Variants in PBRM1 observed in about 807,000 individuals in gnomAD.
PBRM1 encodes protein polybromo-1.
Under a neutral mutation model 194.5 loss-of-function variants are expected in PBRM1, and 27 were observed. The observed-to-expected ratio is 0.14, with a 90% CI of 0.10 to 0.19. The LOEUF (loss-of-function observed/expected upper bound fraction) is 0.19. Ranked by LOEUF, PBRM1 falls within the 10% of genes least tolerant of loss-of-function variation. The pLI is 1.00. For synonymous variants in PBRM1, 655 were observed against 693.2 expected (o/e 0.94, Z 0.87); for missense variants, 1,466 against 2,077.2 (o/e 0.71, Z 5.72).
chr3:52,570,735 C>A (rs1407438457), intron 22 of PBRM1, among the ~76,000 whole-genome samples: 1 of 152,194 alleles, frequency 6.6e-6, no homozygotes, highest in Non-Finnish European at 1.5e-5. Context: ...TTGGGGGGAA[C>A]TGGCATCTTT....
intron 11 of PBRM1, among the ~76,000 whole-genome samples, chr3:52,630,655 G>C (rs1285532464): frequency 6.6e-6 from 1 of 152,178 alleles, no homozygotes; most frequent in East Asian, 1.9e-4. Flanking sequence ...TCCGCGGAAG[G>C]CAGCAACATT....
chr3:52,650,665 G>A (rs533957581), intron 6 of PBRM1, among the ~76,000 whole-genome samples: 3 of 152,204 alleles, frequency 2.0e-5, no homozygotes, highest in Admixed American at 1.3e-4. Flanking sequence ...ACCTCATGCT[G>A]TAGGTTCTAT....
chr3:52,606,469 C>T (rs1250299417), intron 16 of PBRM1, among the ~76,000 whole-genome samples: 1 of 151,748 alleles, frequency 6.6e-6, no homozygotes, highest in Non-Finnish European at 1.5e-5. Flanking sequence ...TTGTAAATAC[C>T]TTTCATGGTA....
At chr3:52,556,805 C>T (rs2082311810) in intron 26 of PBRM1, among the ~76,000 whole-genome samples, 1 of 152,130 alleles carries the variant, frequency 6.6e-6, no homozygotes, top group African/African-American at 2.4e-5. Flanking sequence ...ACTCCCAGGG[C>T]CCAGAAGTCT....
chr3:52,632,072 T>C (rs1377779454), intron 11 of PBRM1, among the ~76,000 whole-genome samples: 1 of 152,238 alleles, frequency 6.6e-6, no homozygotes, highest in Non-Finnish European at 1.5e-5. Flanking sequence ...TTAGCTATTG[T>C]GAATGCTGCT....
upstream of PBRM1, chr3:52,681,139 G>A (rs2097197645): frequency 6.6e-6 from 1 of 151,150 alleles, no homozygotes; most frequent in Non-Finnish European, 1.5e-5. Context: ...TGGAAACACT[G>A]AATTTCAGGA....
chr3:52,653,389 A>G (rs1193778418), intron 5 of PBRM1, among the ~76,000 whole-genome samples: 1 of 152,038 alleles, frequency 6.6e-6, no homozygotes, highest in Non-Finnish European at 1.5e-5. Context: ...CAGGAGTTCG[A>G]GACTAGCCTG....
intron 7 of PBRM1, 126 bp downstream of exon 8, chr3:52,648,218 C>T (rs891106484): frequency 3.3e-6 from 2 of 607,844 alleles, no homozygotes; most frequent in Middle Eastern, 2.9e-4. Flanking sequence ...AAATTAAACA[C>T]TTTTAATGGG....
At chr3:52,568,133 C>T (rs2153571169) in intron 22 of PBRM1, among the ~76,000 whole-genome samples, 1 of 152,076 alleles carries the variant, frequency 6.6e-6, no homozygotes, top group Non-Finnish European at 1.5e-5. Flanking sequence ...TGCCTACCAT[C>T]ATGTCCAGCT....
intron 6 of PBRM1, among the ~76,000 whole-genome samples, chr3:52,651,508 T>A (rs1385854234): frequency 6.6e-6 from 1 of 152,232 alleles, no homozygotes; most frequent in Non-Finnish European, 1.5e-5. Flanking sequence ...AATAAATCTT[T>A]TGTCACAAAT....
chr3:52,599,018 CAAAAAAAA>C (rs59170143), intron 17 of PBRM1, among the ~76,000 whole-genome samples: 1 of 114,384 alleles, frequency 8.7e-6, no homozygotes, highest in African/African-American at 3.7e-5. Flanking sequence ...CCAGATATCT[CAAAAAAAA>C]AAAAAAAAAA....
chr3:52,640,652 T>C (rs1157195815), intron 10 of PBRM1, among the ~76,000 whole-genome samples: 2 of 151,618 alleles, frequency 1.3e-5, no homozygotes, highest in Admixed American at 6.6e-5. Flanking sequence ...CCTCTTTTTC[T>C]TCCCCCCAAG....
At chr3:52,636,983 GGTTA>G (rs1019130571) in intron 10 of PBRM1, among the ~76,000 whole-genome samples, 2 of 152,100 alleles carry the variant, frequency 1.3e-5, no homozygotes, top group African/African-American at 4.8e-5. Context: ...GGGCATATGA[GGTTA>G]ATTACTTGCA....
chr3:52,654,637 G>A (rs2096572921), intron 5 of PBRM1, among the ~76,000 whole-genome samples: 2 of 152,046 alleles, frequency 1.3e-5, no homozygotes, highest in African/African-American at 4.8e-5. Flanking sequence ...GGGGAATGGG[G>A]GGAACTAATT....
chr3:52,578,317 A>C (rs1379729540), intron 21 of PBRM1, among the ~76,000 whole-genome samples: 1 of 152,192 alleles, frequency 6.6e-6, no homozygotes, highest in Non-Finnish European at 1.5e-5. Flanking sequence ...CCCCAGGAAA[A>C]AGAATATTTG....
chr3:52,668,525 A>G (rs963866411), exon 3 of PBRM1: 2 of 1,605,098 alleles, frequency 1.2e-6, no homozygotes, highest in Admixed American at 3.4e-5. Flanking sequence ...CATTGTTAAA[A>G]AGAAGCTGGA....
At position 52,618,931 on chromosome 3, in the gene PBRM1, C is replaced by T. The variant is rs182106925; in HGVS notation, c.1542-1393G>A. On this transcript the variant is annotated intron_variant, in intron 13 of 29. Transcript: ENST00000296302. ...CACGCTTGGCTAATTTTGTATTTTT[C>T]GTAGACAGGGTTTCTCCATGTTGGT... 5.2e-3 allele frequency among the ~76,000 whole-genome samples: 792 copies of T among 152,218 alleles called. 6 individuals are homozygous for T. The highest frequency in any genetic ancestry group is 7.9e-3 in the Non-Finnish European group (536 of 68,006).
chr3:52,621,068 A>G (rs183658325), intron 13 of PBRM1, among the ~76,000 whole-genome samples: 1 of 152,290 alleles, frequency 6.6e-6, no homozygotes, highest in Admixed American at 6.5e-5. Flanking sequence ...TCTTTTTCCA[A>G]TATGGAGGCT....
At position 52,674,627 on chromosome 3, in the gene PBRM1, C is replaced by CAAA. The variant is rs869059650; in HGVS notation, c.236+3870_236+3872dup. On this transcript the variant is annotated intron_variant, in intron 2 of 29. Coordinates refer to ENST00000296302, the Ensembl canonical transcript of PBRM1. ...CAACACAGGGAAACCCTGTCTCTAC[C>CAAA]AAAAAAAAAAAAAAAAATATATATA... Among the ~76,000 whole-genome samples, 622 of 108,914 alleles carry CAAA rather than the reference C, an allele frequency of 5.7e-3. 3 individuals are homozygous for CAAA. The highest frequency in any genetic ancestry group is 0.027 in the African/African-American group (573 of 20,908). The allele number at this position is 108,914 out of a possible 152,430, so 71.5% of individuals were successfully genotyped here. A position where few individuals can be genotyped will look rare whatever the true frequency, so the allele number is the denominator to read the frequency against.
Sources: gnomAD v4.1 joint callset for allele counts (sites outside exome capture counted in the v4.1 genomes callset) on GRCh38, gnomAD v4.1.1 for gene constraint, MANE v1.5 for transcripts, NCBI Gene and HGNC (gene_info 2026-07-23, HGNC 2026-07-21) for gene names.